Variants in TEAD4 observed in about 807,000 individuals in gnomAD.
TEAD4 encodes TEA domain transcription factor 4, also known as transcriptional enhancer factor TEF-3.
In TEAD4, 36 loss-of-function variants were observed where a neutral mutation model predicts 52.4. The observed-to-expected ratio is 0.69, with a 90% CI of 0.53 to 0.91. The LOEUF (loss-of-function observed/expected upper bound fraction) is 0.91. Among genes scored for constraint, TEAD4 ranks in the 40% least tolerant of loss-of-function variants. The pLI is 0.00. For missense variants in TEAD4, 508 were observed against 583.9 expected (o/e 0.87, Z 1.34); for synonymous variants, 220 against 231.0 (o/e 0.95, Z 0.43).
At chr12:2,995,094 TGG>T in intron 3 of TEAD4, 102 bp downstream of exon 3, 1 of 1,406,378 alleles carries the variant, frequency 7.1e-7, no homozygotes, top group Non-Finnish European at 9.5e-7. Flanking sequence ...GATGACCACT[TGG>T]GGCTTTGTCG....
intron 2 of TEAD4, among the ~76,000 whole-genome samples, chr12:2,987,280 G>A (rs2098239267): frequency 6.6e-6 from 1 of 152,182 alleles, no homozygotes; most frequent in Non-Finnish European, 1.5e-5. Context: ...AGAACCCAGG[G>A]ACACATCTTT....
chr12:3,008,337 G>A (rs1025244369), intron 3 of TEAD4, among the ~76,000 whole-genome samples: 2 of 152,154 alleles, frequency 1.3e-5, no homozygotes, highest in African/African-American at 2.4e-5. Flanking sequence ...AGTGGGGCAG[G>A]TGTGGGCCTG....
intron 3 of TEAD4, among the ~76,000 whole-genome samples, chr12:3,004,295 T>C (rs527527847): frequency 5.3e-5 from 8 of 152,346 alleles, no homozygotes; most frequent in Non-Finnish European, 1.2e-4. Flanking sequence ...CAGCATGTAA[T>C]ACTCTCGAAG....
chr12:2,975,273 CCAGT>C (rs2098228637), intron 2 of TEAD4, among the ~76,000 whole-genome samples: 1 of 151,730 alleles, frequency 6.6e-6, no homozygotes, highest in Non-Finnish European at 1.5e-5. Flanking sequence ...TGCCCCGCCC[CCAGT>C]CAGTTTCTCC....
At chr12:2,996,728 G>C (rs761329699) in intron 3 of TEAD4, among the ~76,000 whole-genome samples, 38 of 151,722 alleles carry the variant, frequency 2.5e-4, no homozygotes, top group Admixed American at 1.4e-3. Context: ...CTTTTCTTTT[G>C]TTTTTGAGAC....
At chr12:3,003,212 G>T (rs885201) in intron 3 of TEAD4, among the ~76,000 whole-genome samples, 117,545 of 152,116 alleles carry the variant, frequency 0.77, 45,819 homozygotes, top group Middle Eastern at 0.87. Flanking sequence ...CCACTCTTGG[G>T]TGGGGAGGCT....
rs547240368 is a variant in TEAD4, at chr12:3,001,403, C to T, written c.226+6411C>T. Among the ~76,000 whole-genome samples the T allele has an allele frequency of 5.9e-5, 9 of 152,254 alleles. No individual in the cohort carries two copies. In the East Asian group the frequency reaches 9.7e-4, roughly 16 times the overall value. ...CCCATTAAACAATAATTCCCCATTC[C>T]CCTCTGCCCCTATAGCCGCTGGTAG... On this transcript the variant is annotated intron_variant, in intron 3 of 12. Transcript: ENST00000359864.
At chr12:3,017,183 T>C (rs2098265202) in intron 5 of TEAD4, 1 of 680,528 alleles carries the variant, frequency 1.5e-6, no homozygotes, top group Non-Finnish European at 2.7e-6. Context: ...AGGGCAAGTA[T>C]CATGCCCCTT....
chr12:2,993,175 C>A (rs2335328), intron 2 of TEAD4, among the ~76,000 whole-genome samples: 23,971 of 152,130 alleles, frequency 0.16, 4,461 homozygotes, highest in African/African-American at 0.43. Flanking sequence ...GGTAGTGTTA[C>A]GTATATTCAC....
At chr12:2,966,131 A>G (rs2098220044) in intron 2 of TEAD4, among the ~76,000 whole-genome samples, 1 of 152,186 alleles carries the variant, frequency 6.6e-6, no homozygotes, top group South Asian at 2.1e-4. Flanking sequence ...AAACAACTCT[A>G]ACTTGGGTGG....
chr12:2,980,606 G>A (rs533067610), intron 2 of TEAD4, among the ~76,000 whole-genome samples: 3 of 152,186 alleles, frequency 2.0e-5, no homozygotes, highest in Admixed American at 1.3e-4. Flanking sequence ...GGTGGTGCAC[G>A]CCTGTAATTC....
At chr12:3,010,273 C>T (rs144896385) in intron 3 of TEAD4, among the ~76,000 whole-genome samples, 2 of 152,328 alleles carry the variant, frequency 1.3e-5, no homozygotes, top group East Asian at 3.9e-4. Context: ...ATAAGGAACC[C>T]CTTTCCATCA....
At chr12:2,996,143 C>T (rs1414956828) in intron 3 of TEAD4, among the ~76,000 whole-genome samples, 1 of 152,178 alleles carries the variant, frequency 6.6e-6, no homozygotes, top group Non-Finnish European at 1.5e-5. Context: ...AGTGAGAGCC[C>T]TGAGTGGGTC....
Position 3,003,510 on chromosome 12 carries a change from G to A in TEAD4, c.227-7494G>A, listed in dbSNP as rs548504400. Among the ~76,000 whole-genome samples, 6 of 152,236 alleles carry A rather than the reference G, an allele frequency of 3.9e-5. No homozygotes were observed. In the East Asian group the frequency reaches 5.8e-4, roughly 15 times the overall value. On this transcript the variant is annotated intron_variant, in intron 3 of 12. Transcript: ENST00000359864. ...GTGGTGCTATGTGGCGGAGGTGGCC[G>A]GCAGGGTGTGTGTGAGGCTGAGTGT...
Position 2,976,789 on chromosome 12 carries a change from C to T in TEAD4, c.-30+16749C>T, listed in dbSNP as rs111911981. On this transcript the variant is annotated intron_variant, in intron 2 of 12. Transcript: ENST00000359864. ...AAGTACTCGCCACCCCATTGCCGCC[C>T]GGGCCTGGGGGCTGGGTGGGAAGAG... Among the ~76,000 whole-genome samples, 6 of 152,020 alleles carry T rather than the reference C, an allele frequency of 3.9e-5. No homozygotes were observed. The South Asian group carries it at 8.3e-4, about 21-fold the overall frequency.
At chr12:2,989,082 A>G (rs2098241020) in intron 2 of TEAD4, among the ~76,000 whole-genome samples, 1 of 152,160 alleles carries the variant, frequency 6.6e-6, no homozygotes, top group African/African-American at 2.4e-5. Flanking sequence ...TCAGAAGCAC[A>G]GGTAAAACAA....
chr12:3,032,733 GT>G (rs369411642), intron 10 of TEAD4, among the ~76,000 whole-genome samples: 108,843 of 152,066 alleles, frequency 0.72, 44,339 homozygotes, highest in East Asian at 0.94. Flanking sequence ...GCCTGGGCAG[GT>G]GAAATCAGAG....
rs2098226421 is a variant in TEAD4 at position 2,972,855 on chromosome 12, C to T, written c.-30+12815C>T. Among the ~76,000 whole-genome samples the T allele has an allele frequency of 2.0e-5, 3 of 152,126 alleles. No homozygotes were observed. In the South Asian group the frequency reaches 6.2e-4, roughly 31 times the overall value. On this transcript the variant is annotated intron_variant, in intron 2 of 12. Coordinates refer to ENST00000359864, the MANE Select transcript of TEAD4 (RefSeq NM_003213.4). Reference sequence around the variant, plus strand: ...AATCTTTCCCTAAATTTATTTTTAACATACATACAGCAAAATACAGTGTTT... The same window carrying T: ...AATCTTTCCCTAAATTTATTTTTAATATACATACAGCAAAATACAGTGTTT...
chr12:3,040,439 C>T lies in TEAD4; in HGVS notation c.1266C>T (p.His422=), dbSNP rs35927536. The change falls in exon 13 of 13, where the codon CAC becomes CAT. Residue 422 remains histidine (H), a synonymous_variant. Transcript: ENST00000359864. Reference sequence around the variant, plus strand: ...TCTTTGAGGTGTCAGCCAGTGAGCACGGGGCTCAGCACCACATCTACAGGC... The same window carrying T: ...TCTTTGAGGTGTCAGCCAGTGAGCATGGGGCTCAGCACCACATCTACAGGC... The T allele has an allele frequency of 4.5e-4, 727 of 1,614,040 alleles. 1 individual carries two copies. In the African/African-American group the frequency reaches 6.2e-3, roughly 14 times the overall value.
Sources: gnomAD v4.1 joint callset for allele counts (sites outside exome capture counted in the v4.1 genomes callset) on GRCh38, gnomAD v4.1.1 for gene constraint, MANE v1.5 for transcripts, NCBI Gene and HGNC (gene_info 2026-07-23, HGNC 2026-07-21) for gene names.